DCAF4: variants seen among roughly 807,000 people sequenced by gnomAD.
DCAF4 encodes the protein DDB1- and CUL4-associated factor 4.
A neutral mutation model predicts 60.9 loss-of-function variants in DCAF4; 37 were observed. The observed-to-expected ratio is 0.61, with a 90% CI of 0.47 to 0.80. The LOEUF (loss-of-function observed/expected upper bound fraction) is 0.80. Among genes scored for constraint, DCAF4 ranks in the 30% least tolerant of loss-of-function variants. DCAF4 has a pLI of 0.00. For synonymous variants in DCAF4, 243 were observed against 254.8 expected, an observed-to-expected ratio of 0.95 and a Z score of 0.44; for missense variants, 577 against 650.0, an observed-to-expected ratio of 0.89 and a Z score of 1.22.
intron 6 of DCAF4, among the ~76,000 whole-genome samples, chr14:72,944,189 G>C (rs963176860): frequency 2.6e-5 from 4 of 152,148 alleles, no homozygotes; most frequent in African/African-American, 9.7e-5. Flanking sequence ...CAGGCTTTAC[G>C]TGTGGTAGGT....
In DCAF4 at chr14:72,954,368, CAT is replaced by C; in HGVS notation, c.908-17_908-16del. 6.2e-7 allele frequency: 1 copy of C among 1,614,002 alleles called. No individual in the cohort carries two copies. Among genetic ancestry groups the C allele is most frequent in the Non-Finnish European group, 8.5e-7 (1 of 1,179,862 alleles). Reference sequence around the variant, plus strand: ...TACATGTGACATAATCTTACCAGCCCATCTCTGTCTCCGCCAGGCTTGTCTCG... The same window carrying C: ...TACATGTGACATAATCTTACCAGCCCCTCTGTCTCCGCCAGGCTTGTCTCG... On this transcript the variant is annotated splice_polypyrimidine_tract_variant and intron_variant, in intron 10 of 13. Coordinates refer to ENST00000358377, the MANE Select transcript of DCAF4 (RefSeq NM_015604.4).
chr14:72,960,071 T>G (rs1892745964), downstream of DCAF4, among the ~76,000 whole-genome samples: 1 of 152,156 alleles, frequency 6.6e-6, no homozygotes, highest in African/African-American at 2.4e-5. Flanking sequence ...TGGCCCAGAA[T>G]GCCTCACTAG....
intron 1 of DCAF4, among the ~76,000 whole-genome samples, chr14:72,928,559 T>C (rs1221900080): frequency 6.6e-6 from 1 of 150,448 alleles, no homozygotes; most frequent in East Asian, 1.9e-4. Context: ...ACTTTAACTA[T>C]TACAGCATGG....
chr14:72,939,438 CTTGT>C (rs1889724609), intron 2 of DCAF4, among the ~76,000 whole-genome samples: 1 of 152,158 alleles, frequency 6.6e-6, no homozygotes. Context: ...TTCACCTAGC[CTTGT>C]AACTGCTGTT....
chr14:72,950,399 G>C (rs565445652), intron 8 of DCAF4, among the ~76,000 whole-genome samples: 29 of 152,246 alleles, frequency 1.9e-4, no homozygotes, highest in Admixed American at 1.6e-3. Flanking sequence ...GTAGAAATTG[G>C]GCTACATGGC....
At position 72,959,216 on chromosome 14, in the gene DCAF4, G is replaced by T; in HGVS notation, c.*411G>T. ...TTGAGTCCTCGGTGCCTGGGTAGCA[G>T]GAAGAAAGACCTGCATCCTGCATCT... On this transcript the variant is annotated 3_prime_UTR_variant, in exon 14 of 14. Transcript: ENST00000358377. 1 of 991,008 alleles carries T rather than the reference G, an allele frequency of 1.0e-6. No homozygotes were observed. The highest frequency in any genetic ancestry group is 1.2e-6 in the Non-Finnish European group (1 of 833,576). 61.4% of individuals were successfully genotyped at this position (991,008 alleles called of 1,614,324 possible).
Position 72,951,694 on chromosome 14 carries a change from C to G in DCAF4, c.729-104C>G, listed in dbSNP as rs1891437734. 3 of 1,026,992 alleles carry G rather than the reference C, an allele frequency of 2.9e-6. No homozygotes were observed. The Middle Eastern group carries it at 6.2e-4, about 213-fold the overall frequency. The allele number at this position is 1,026,992 out of a possible 1,614,324, so 63.6% of individuals were successfully genotyped here. A position where few individuals can be genotyped will look rare whatever the true frequency, so the allele number is the denominator to read the frequency against. On this transcript the variant is annotated intron_variant, in intron 8 of 13. Coordinates refer to ENST00000358377, the MANE Select transcript of DCAF4 (RefSeq NM_015604.4). ...TGTTGAATCTGGACGGTGGGGGTTA[C>G]TCTGGCCTAGGTTGTGTGCCGTATG...
intron 1 of DCAF4, among the ~76,000 whole-genome samples, chr14:72,934,369 G>A (rs1301503275): frequency 6.6e-6 from 1 of 152,020 alleles, no homozygotes; most frequent in Non-Finnish European, 1.5e-5. Flanking sequence ...GGTCAGGCTG[G>A]TCTCAAACTC....
chr14:72,960,704 A>G, downstream of DCAF4: 1 of 1,062,882 alleles, frequency 9.4e-7, no homozygotes. Context: ...GAGACAGGCA[A>G]GTGCTGCCTC....
chr14:72,929,478 C>T, intron 1 of DCAF4: 1 of 627,066 alleles, frequency 1.6e-6, no homozygotes, highest in South Asian at 1.9e-5. Flanking sequence ...AGGAGGATCG[C>T]TGGAGGCCAG....
At chr14:72,934,587 G>T (rs957071798) in intron 1 of DCAF4, among the ~76,000 whole-genome samples, 1 of 152,164 alleles carries the variant, frequency 6.6e-6, no homozygotes, top group Non-Finnish European at 1.5e-5. Context: ...ACCACGCCGG[G>T]CTTGCCTGAC....
At chr14:72,929,183 T>C (rs541845118) in intron 1 of DCAF4, among the ~76,000 whole-genome samples, 8 of 150,032 alleles carry the variant, frequency 5.3e-5, no homozygotes, top group African/African-American at 1.5e-4. Context: ...CCTGGAATGG[T>C]GCCCTGGAAG....
chr14:72,946,113 A>C, intron 7 of DCAF4, 86 bp downstream of exon 7: 2 of 1,516,022 alleles, frequency 1.3e-6, no homozygotes. Context: ...GCAACTGGGG[A>C]AGAGGGCAGA....
chr14:72,952,453 A>G (rs1201223214), intron 9 of DCAF4, among the ~76,000 whole-genome samples: 2 of 152,196 alleles, frequency 1.3e-5, no homozygotes, highest in Non-Finnish European at 2.9e-5. Flanking sequence ...AGGTGAGATC[A>G]TGCACATTTA....
chr14:72,944,459 A>G (rs913170757), intron 6 of DCAF4, among the ~76,000 whole-genome samples: 1 of 152,180 alleles, frequency 6.6e-6, no homozygotes, highest in African/African-American at 2.4e-5. Context: ...TTGAAATAGC[A>G]ATTAACCACA....
rs1214971414 is a variant in DCAF4, at chr14:72,940,082, TTGCCTGACAAGGCA to T, written c.194-137_194-124del. The T allele has an allele frequency of 8.3e-5, 107 of 1,295,544 alleles. No individual in the cohort carries two copies. In the East Asian group the frequency reaches 2.5e-3, roughly 30 times the overall value. 80.3% of individuals were successfully genotyped at this position (1,295,544 alleles called of 1,614,324 possible). The stretch of plus-strand genomic sequence containing the variant: ...CCAGGACTGAGCACAGTCCAGGATG[TTGCCTGACAAGGCA>T]GCTCATCCCCGCCCTCAGAAAAGAC... On this transcript the variant is annotated intron_variant, in intron 3 of 13. Coordinates refer to ENST00000358377, the MANE Select transcript of DCAF4 (RefSeq NM_015604.4).
At chr14:72,932,582 A>G (rs912623066) in intron 1 of DCAF4, among the ~76,000 whole-genome samples, 4 of 152,258 alleles carry the variant, frequency 2.6e-5, no homozygotes, top group African/African-American at 7.2e-5. Context: ...TCTGAAAGAC[A>G]AAGGCAAGCC....
intron 8 of DCAF4, among the ~76,000 whole-genome samples, chr14:72,949,579 A>ACC (rs1038839225): frequency 6.6e-6 from 1 of 152,078 alleles, no homozygotes; most frequent in African/African-American, 2.4e-5. Context: ...ACATGGTGAA[A>ACC]CCCCATCTCT....
At chr14:72,953,657 C>T (rs1270544520) in intron 9 of DCAF4, among the ~76,000 whole-genome samples, 1 of 132,430 alleles carries the variant, frequency 7.6e-6, no homozygotes, top group Admixed American at 8.7e-5. Flanking sequence ...ATGCATTGAG[C>T]CATGATCACG....
Sources: allele counts gnomAD v4.1 joint callset (sites outside exome capture counted in the v4.1 genomes callset), GRCh38; gene constraint gnomAD v4.1.1; transcripts MANE v1.5; gene names NCBI Gene and HGNC (gene_info 2026-07-23, HGNC 2026-07-21).